DRAM1: variants seen among roughly 807,000 people sequenced by gnomAD.
DRAM1 encodes DNA damage-regulated autophagy modulator protein 1.
In DRAM1, 25 loss-of-function variants were observed where a neutral mutation model predicts 28.5. The observed-to-expected ratio is 0.88, with a 90% CI of 0.64 to 1.23. The LOEUF is 1.23. Ranked by LOEUF, DRAM1 falls within the 50% of genes most tolerant of loss-of-function variation. The pLI is 0.00. For synonymous variants in DRAM1, 113 were observed against 114.2 expected (o/e 0.99, Z 0.07); for missense variants, 249 against 299.2 (o/e 0.83, Z 1.24).
chr12:101,922,039 C>T lies in DRAM1; in HGVS notation c.*779C>T, dbSNP rs1874504814. The T allele has an allele frequency of 6.6e-6, 1 of 152,194 alleles. No homozygotes were observed. The highest frequency in any genetic ancestry group is 2.1e-4 in the South Asian group (1 of 4,834). The allele number at this position is 152,194 out of a possible 1,614,324, so 9.4% of individuals were successfully genotyped here. A position where few individuals can be genotyped will look rare whatever the true frequency, so the allele number is the denominator to read the frequency against. On this transcript the variant is annotated 3_prime_UTR_variant, in exon 7 of 7. Transcript: ENST00000258534. ...AAACCATCCTTTATTGTTGCTGGCA[C>T]AACTTGATATATAGTCTGACTCAGA...
chr12:101,893,792 GT>G (rs1477296536), intron 1 of DRAM1, among the ~76,000 whole-genome samples: 1 of 148,980 alleles, frequency 6.7e-6, no homozygotes, highest in African/African-American at 2.5e-5. Flanking sequence ...TTTTTGGCCA[GT>G]ACTGATATTC....
chr12:101,878,107 G>A (rs577333160), intron 1 of DRAM1, among the ~76,000 whole-genome samples, 187 bp downstream of exon 1: 1 of 152,268 alleles, frequency 6.6e-6, no homozygotes, highest in East Asian at 1.9e-4. Context: ...GCGGCGCTGA[G>A]CACTTCTGCC....
chr12:101,913,026 C>A (rs947333743), intron 4 of DRAM1, among the ~76,000 whole-genome samples: 1 of 152,106 alleles, frequency 6.6e-6, no homozygotes, highest in African/African-American at 2.4e-5. Context: ...CTGCGCCCGG[C>A]CTAACATTTT....
chr12:101,890,096 T>G (rs910453545), intron 1 of DRAM1: 87 of 451,912 alleles, frequency 1.9e-4, no homozygotes, highest in African/African-American at 1.5e-3. Flanking sequence ...ATTTATTTTT[T>G]GAGATGAAGC....
At chr12:101,897,535 TG>T (rs11295260) in intron 1 of DRAM1, among the ~76,000 whole-genome samples, 73,047 of 150,178 alleles carry the variant, frequency 0.49, 17,995 homozygotes, top group East Asian at 0.63. Flanking sequence ...TTTTTGTTTT[TG>T]TTTTTCTTTT....
In DRAM1 at chr12:101,921,396, C is replaced by T. The variant is rs1222065569; in HGVS notation, c.*136C>T. ...CACATCCAGGACTTGAATTTCATTA[C>T]GAGTTCCTAATAGTTGTATTTCTAA... On this transcript the variant is annotated 3_prime_UTR_variant, in exon 7 of 7. Coordinates refer to ENST00000258534, the MANE Select transcript of DRAM1 (RefSeq NM_018370.3). 5 of 698,778 alleles carry T rather than the reference C, an allele frequency of 7.2e-6. No homozygotes were observed. Among genetic ancestry groups the T allele is most frequent in the African/African-American group, 1.8e-5 (1 of 56,404 alleles). 43.3% of individuals were successfully genotyped at this position (698,778 alleles called of 1,614,324 possible). A position where few individuals can be genotyped will look rare whatever the true frequency, so the allele number is the denominator to read the frequency against.
intron 1 of DRAM1, chr12:101,890,204 G>A (rs12322369): frequency 0.61 from 217,428 of 354,966 alleles, 69,397 homozygotes; most frequent in East Asian, 0.91. Context: ...TCAGCCACCC[G>A]AGTAGCTGGG....
At chr12:101,888,238 T>C (rs1022090581) in intron 1 of DRAM1, among the ~76,000 whole-genome samples, 1 of 151,994 alleles carries the variant, frequency 6.6e-6, no homozygotes, top group Non-Finnish European at 1.5e-5. Flanking sequence ...CAAGTGATTC[T>C]CCTGACTCAG....
intron 1 of DRAM1, among the ~76,000 whole-genome samples, chr12:101,879,750 C>CT (rs1054484740): frequency 2.6e-4 from 39 of 152,130 alleles, no homozygotes; most frequent in Middle Eastern, 6.8e-3. Context: ...AATCCCAGCA[C>CT]TTTGGGAGGC....
At chr12:101,908,095 A>T in intron 3 of DRAM1, 91 bp from the exon 4 acceptor site, 1 of 1,103,218 alleles carries the variant, frequency 9.1e-7, no homozygotes, top group Non-Finnish European at 1.3e-6. Context: ...TGTGATGACC[A>T]ATGGCTCAAA....
Position 101,890,870 on chromosome 12 carries a change from C to T in DRAM1, c.132-6993C>T, listed in dbSNP as rs1307536594. 2.0e-5 allele frequency among the ~76,000 whole-genome samples: 3 copies of T among 151,796 alleles called. No homozygotes were observed. In the South Asian group the frequency reaches 6.2e-4, roughly 32 times the overall value. Reference sequence around the variant, plus strand: ...GGTTCAAGCGATTCTCCTGCCTCAGCCTTCCGAGTAGCTGGGACTACAGGC... The same window carrying T: ...GGTTCAAGCGATTCTCCTGCCTCAGTCTTCCGAGTAGCTGGGACTACAGGC... On this transcript the variant is annotated intron_variant, in intron 1 of 6. Transcript: ENST00000258534.
chr12:101,900,078 G>A (rs1004534661), intron 2 of DRAM1, among the ~76,000 whole-genome samples: 1 of 152,182 alleles, frequency 6.6e-6, no homozygotes, highest in African/African-American at 2.4e-5. Context: ...ATGACTTAGT[G>A]TTGAGTTTAC....
chr12:101,918,031 C>T (rs1012822795), intron 5 of DRAM1, among the ~76,000 whole-genome samples: 10 of 152,206 alleles, frequency 6.6e-5, no homozygotes, highest in Non-Finnish European at 1.3e-4. Context: ...GTGAAAAGCA[C>T]ATGGTTTTCT....
intron 1 of DRAM1, among the ~76,000 whole-genome samples, chr12:101,884,148 AGGCTGAAGTG>A (rs1480311216): frequency 1.3e-5 from 2 of 152,054 alleles, no homozygotes; most frequent in Admixed American, 1.3e-4. Context: ...GCACTTTGGG[AGGCTGAAGTG>A]GGCTGATCAC....
At position 101,906,589 on chromosome 12, in the gene DRAM1, C is replaced by T. The variant is rs142379616; in HGVS notation, c.343-1597C>T. On this transcript the variant is annotated intron_variant, in intron 3 of 6. Coordinates refer to ENST00000258534, the MANE Select transcript of DRAM1 (RefSeq NM_018370.3). ...GGAGCTGAGGCTGGGTGTGGTGGCTCATGCCTATAATCTGAGCACTTTGGA... is the reference window on the plus strand; with the variant it reads ...GGAGCTGAGGCTGGGTGTGGTGGCTTATGCCTATAATCTGAGCACTTTGGA... Among the ~76,000 whole-genome samples the T allele has an allele frequency of 2.0e-3, 308 of 151,930 alleles. 1 individual carries two copies. The highest frequency in any genetic ancestry group is 6.9e-3 in the African/African-American group (288 of 41,450).
At chr12:101,896,776 G>C (rs989347323) in intron 1 of DRAM1, among the ~76,000 whole-genome samples, 1 of 151,106 alleles carries the variant, frequency 6.6e-6, no homozygotes, top group African/African-American at 2.4e-5. Flanking sequence ...CAATAATATT[G>C]TTCAGTTTTC....
intron 1 of DRAM1, among the ~76,000 whole-genome samples, chr12:101,887,477 T>C (rs745610085): frequency 6.6e-6 from 1 of 152,056 alleles, no homozygotes; most frequent in Non-Finnish European, 1.5e-5. Flanking sequence ...CACTTTAAGT[T>C]AAAATAAAAT....
intron 1 of DRAM1, among the ~76,000 whole-genome samples, chr12:101,885,854 G>T (rs934887090): frequency 6.6e-6 from 1 of 152,070 alleles, no homozygotes; most frequent in African/African-American, 2.4e-5. Context: ...TAATCTATAT[G>T]TAAGGATATT....
intron 1 of DRAM1, among the ~76,000 whole-genome samples, chr12:101,891,222 G>A (rs1166084068): frequency 6.6e-6 from 1 of 151,922 alleles, no homozygotes; most frequent in Non-Finnish European, 1.5e-5. Flanking sequence ...TTTATACTGG[G>A]GAATTATGTT....
Sources: allele counts gnomAD v4.1 joint callset (sites outside exome capture counted in the v4.1 genomes callset), GRCh38; gene constraint gnomAD v4.1.1; transcripts MANE v1.5; gene names NCBI Gene and HGNC (gene_info 2026-07-23, HGNC 2026-07-21).